Variants in CGNL1 observed in about 807,000 individuals in gnomAD.
The protein encoded by CGNL1 is cingulin-like protein 1.
Under a neutral mutation model 141.2 loss-of-function variants are expected in CGNL1, and 132 were observed. The ratio of observed to expected loss-of-function variants is 0.93; its 90% confidence interval spans 0.81 to 1.08. The LOEUF (loss-of-function observed/expected upper bound fraction) is 1.08, where lower values mean the gene tolerates loss of function less well. Ranked by LOEUF, CGNL1 falls within the 50% of genes least tolerant of loss-of-function variation. The pLI is 0.00. For missense variants in CGNL1, 1,870 were observed against 1,588.6 expected, an observed-to-expected ratio of 1.18 and a Z score of -3.01; for synonymous variants, 690 against 622.1, an observed-to-expected ratio of 1.11 and a Z score of -1.63.
chr15:57,489,289 G>T (rs1230585544), intron 8 of CGNL1, among the ~76,000 whole-genome samples: 1 of 152,190 alleles, frequency 6.6e-6, no homozygotes, highest in Non-Finnish European at 1.5e-5. Flanking sequence ...ATGAGTTGTT[G>T]TTCCTGAGAA....
chr15:57,459,033 TA>T lies in CGNL1; in HGVS notation c.2191-2644del, dbSNP rs549067317. ...AAGAGATCTCGTTGTCGGTTATACT[TA>T]AATCAATAAAATGTTTCTTCCCTCA... On this transcript the variant is annotated intron_variant, in intron 7 of 18. Coordinates refer to ENST00000281282, the MANE Select transcript of CGNL1 (RefSeq NM_032866.5). 2.2e-3 allele frequency among the ~76,000 whole-genome samples: 342 copies of T among 152,308 alleles called. 1 individual carries two copies. The highest frequency in any genetic ancestry group is 7.9e-3 in the African/African-American group (330 of 41,562).
chr15:57,379,476 CTTTG>C (rs1270987226), intron 1 of CGNL1, among the ~76,000 whole-genome samples: 1 of 151,948 alleles, frequency 6.6e-6, no homozygotes, highest in Non-Finnish European at 1.5e-5. Flanking sequence ...TCCTTTTTTT[CTTTG>C]TTTAATTTGC....
chr15:57,546,086 G>GGC lies in CGNL1; in HGVS notation c.3620_3621insGC (p.Lys1209Ter). 2 of 1,613,244 alleles carry GGC rather than the reference G, an allele frequency of 1.2e-6. No individual in the cohort carries two copies. Among genetic ancestry groups the GGC allele is most frequent in the Non-Finnish European group, 1.7e-6 (2 of 1,179,648 alleles). ...TCTCTCCCGGTGCAGCTGAGCTTGCGTTTGAAAGCCATGAAGCGGCAGGTG... is the reference window on the plus strand; with the variant it reads ...TCTCTCCCGGTGCAGCTGAGCTTGCGGCTTTGAAAGCCATGAAGCGGCAGGTG... On this transcript the variant is annotated frameshift_variant, in exon 18 of 19. Transcript: ENST00000281282. LOFTEE classifies it high-confidence loss of function.
In CGNL1 at chr15:57,544,577, C is replaced by T; in HGVS notation, c.3480C>T (p.Asp1160=). The change falls in exon 16 of 19, where the codon GAC becomes GAT. Residue 1160 remains aspartate, a synonymous_variant. Coordinates refer to ENST00000281282, the MANE Select transcript of CGNL1 (RefSeq NM_032866.5). Reference sequence around the variant, plus strand: ...AGGCCAGGATCGCGGAGCTGGAGGACCGCCTGGAGAGTGAGGAGAGGTGAG... The same window carrying T: ...AGGCCAGGATCGCGGAGCTGGAGGATCGCCTGGAGAGTGAGGAGAGGTGAG... ...QMEARIAELE[D]RLESEERDRA... is the part of the protein sequence containing the mutation. 2 of 1,590,024 alleles carry T rather than the reference C, an allele frequency of 1.3e-6. No individual in the cohort carries two copies. The highest frequency in any genetic ancestry group is 2.3e-5 in the East Asian group (1 of 44,200).
At chr15:57,426,764 A>T (rs1369427403) in intron 1 of CGNL1, among the ~76,000 whole-genome samples, 1 of 152,026 alleles carries the variant, frequency 6.6e-6, no homozygotes, top group Non-Finnish European at 1.5e-5. Context: ...TGGCCAGGAG[A>T]CACATTCATG....
chr15:57,524,483 A>G (rs1480579101), intron 11 of CGNL1, 98 bp from the exon 12 acceptor site: 4 of 1,144,676 alleles, frequency 3.5e-6, no homozygotes, highest in Non-Finnish European at 5.0e-6. Context: ...GCCATAGAAG[A>G]AAGGGAGAAG....
At chr15:57,384,118 GT>G (rs200772589) in intron 1 of CGNL1, among the ~76,000 whole-genome samples, 4,525 of 151,584 alleles carry the variant, frequency 0.03, 242 homozygotes, top group African/African-American at 0.1. Flanking sequence ...AGGGGAAATA[GT>G]GGGTAGGAGA....
At chr15:57,492,762 A>C (rs1373777869) in intron 8 of CGNL1, among the ~76,000 whole-genome samples, 1 of 151,950 alleles carries the variant, frequency 6.6e-6, no homozygotes, top group Non-Finnish European at 1.5e-5. Flanking sequence ...ATAATGCTGG[A>C]AGTTATACCC....
chr15:57,450,096 T>A (rs1312085377), intron 4 of CGNL1, among the ~76,000 whole-genome samples: 1 of 152,214 alleles, frequency 6.6e-6, no homozygotes, highest in African/African-American at 2.4e-5. Context: ...CTGGGTTGTA[T>A]GGTAAGAGCA....
rs12441410 is a variant in CGNL1, at chr15:57,387,718, T to C, written c.-16+11151T>C. 1.4e-3 allele frequency among the ~76,000 whole-genome samples: 216 copies of C among 152,298 alleles called. 4 individuals are homozygous for C. The highest frequency in any genetic ancestry group is 0.012 in the Admixed American group (179 of 15,288). On this transcript the variant is annotated intron_variant, in intron 1 of 18. Coordinates refer to ENST00000281282, the MANE Select transcript of CGNL1 (RefSeq NM_032866.5). ...TCAATTAAGTCGTTTAATAAAAACC[T>C]CCCCCTGTTTTAAAGCATTCTTGGG...
intron 1 of CGNL1, among the ~76,000 whole-genome samples, chr15:57,403,163 G>A (rs1041616105): frequency 6.6e-6 from 1 of 152,120 alleles, no homozygotes; most frequent in Non-Finnish European, 1.5e-5. Flanking sequence ...TGACGAAGGG[G>A]TCTGTCTGCT....
chr15:57,410,264 C>A (rs1462735058), intron 1 of CGNL1, among the ~76,000 whole-genome samples: 1 of 152,214 alleles, frequency 6.6e-6, no homozygotes, highest in Non-Finnish European at 1.5e-5. Flanking sequence ...TCAGTTTTCT[C>A]ATTTTACATG....
rs529152952 is a variant in CGNL1, at chr15:57,462,093, T to C, written c.2403+201T>C. ...CTTTTAAAGTCTATAAACTGAAACG[T>C]TGGTAGGGACATTGGTTAAATCCTG... On this transcript the variant is annotated intron_variant, in intron 8 of 18. Transcript: ENST00000281282. 2.0e-5 allele frequency among the ~76,000 whole-genome samples: 3 copies of C among 152,236 alleles called. No individual in the cohort carries two copies. The East Asian group carries it at 5.8e-4, about 29-fold the overall frequency.
intron 8 of CGNL1, among the ~76,000 whole-genome samples, chr15:57,493,572 A>G (rs11858444): frequency 0.17 from 25,286 of 152,174 alleles, 2,333 homozygotes; most frequent in Non-Finnish European, 0.21. Flanking sequence ...GAGATACATG[A>G]TATCTGCTGT....
chr15:57,538,390 T>C (rs529404819), intron 14 of CGNL1, among the ~76,000 whole-genome samples: 1 of 152,384 alleles, frequency 6.6e-6, no homozygotes, highest in Admixed American at 6.5e-5. Flanking sequence ...TCCTTCCTGT[T>C]CTTCACTCTG....
At chr15:57,407,747 ATTT>A (rs35752757) in intron 1 of CGNL1, among the ~76,000 whole-genome samples, 7 of 136,206 alleles carry the variant, frequency 5.1e-5, no homozygotes, top group Non-Finnish European at 6.3e-5. Flanking sequence ...ATTATTCTCA[ATTT>A]TTTTTTTTTT....
chr15:57,504,888 A>G (rs1384480589), intron 8 of CGNL1, among the ~76,000 whole-genome samples: 1 of 152,218 alleles, frequency 6.6e-6, no homozygotes, highest in Non-Finnish European at 1.5e-5. Flanking sequence ...ACAGTGATTC[A>G]TGGGGCCTGT....
chr15:57,546,221 C>T lies in CGNL1; in HGVS notation c.3755C>T (p.Ser1252Phe), dbSNP rs777231636. Reference sequence around the variant, plus strand: ...GAGCATCTGCAGGGGCAGCTCAACTCCATGAAGAAGGACTTAAGGTGGGCA... The same window carrying T: ...GAGCATCTGCAGGGGCAGCTCAACTTCATGAAGAAGGACTTAAGGTGGGCA... ...MNEHLQGQLN[S>F]MKKDLRLKKL... Residue 1252 changes from serine to phenylalanine, a missense_variant, in exon 18 of 19, where the codon TCC (serine) becomes TTC (phenylalanine). Physicochemically the swap from Ser to Phe is radical, Grantham distance 155. Transcript: ENST00000281282. 3.1e-6 allele frequency: 5 copies of T among 1,589,088 alleles called. No individual in the cohort carries two copies. Among genetic ancestry groups the T allele is most frequent in the Non-Finnish European group, 4.3e-6 (5 of 1,167,642 alleles).
chr15:57,409,459 G>A (rs2062761381), intron 1 of CGNL1, among the ~76,000 whole-genome samples: 1 of 152,206 alleles, frequency 6.6e-6, no homozygotes, highest in Non-Finnish European at 1.5e-5. Flanking sequence ...ACAGGTTGGA[G>A]GAAAACAAGC....
Sources: allele counts gnomAD v4.1 joint callset (sites outside exome capture counted in the v4.1 genomes callset), GRCh38; gene constraint gnomAD v4.1.1; transcripts MANE v1.5; gene names NCBI Gene and HGNC (gene_info 2026-07-23, HGNC 2026-07-21).